The following SYT2 variants were observed in gnomAD, a reference collection of about 807,000 sequenced individuals.
SYT2 encodes the protein synaptotagmin 2.
Under a neutral mutation model 39.9 loss-of-function variants are expected in SYT2, and 15 were observed. The ratio of observed to expected loss-of-function variants is 0.38; its 90% CI spans 0.25 to 0.58. The LOEUF (loss-of-function observed/expected upper bound fraction) is 0.58, where lower values mean the gene tolerates loss of function less well. Ranked by LOEUF, SYT2 falls within the 20% of genes least tolerant of loss-of-function variation. SYT2 has a pLI of 0.70. For missense variants in SYT2, 389 were observed against 530.3 expected (o/e 0.73, Z 2.62); for synonymous variants, 181 against 204.5 (o/e 0.89, Z 0.98).
At chr1:202,639,629 T>C in intron 1 of SYT2, 1 of 985,500 alleles carries the variant, frequency 1.0e-6, no homozygotes, top group Non-Finnish European at 1.2e-6. Flanking sequence ...AATGGAGGGA[T>C]GCCATGCTGC....
chr1:202,692,778 G>A (rs1165917841), intron 1 of SYT2, among the ~76,000 whole-genome samples: 1 of 152,136 alleles, frequency 6.6e-6, no homozygotes, highest in Non-Finnish European at 1.5e-5. Context: ...GGAAAGTTAG[G>A]GCTGGGGGCA....
At chr1:202,673,220 G>T (rs2149109905) in intron 1 of SYT2, among the ~76,000 whole-genome samples, 1 of 152,248 alleles carries the variant, frequency 6.6e-6, no homozygotes, top group East Asian at 1.9e-4. Flanking sequence ...CATCTGAAAA[G>T]GGGAAAATGT....
chr1:202,650,435 CTTTTGTTTTT>C (rs1412306761), intron 1 of SYT2, among the ~76,000 whole-genome samples: 11 of 143,264 alleles, frequency 7.7e-5, no homozygotes, highest in African/African-American at 2.8e-4. Context: ...GTTTCATATG[CTTTTGTTTTT>C]TTTTTTTTGA....
chr1:202,684,330 G>A (rs954875027), intron 1 of SYT2, among the ~76,000 whole-genome samples: 2 of 146,644 alleles, frequency 1.4e-5, no homozygotes, highest in African/African-American at 2.5e-5. Context: ...TCTACTCTCC[G>A]TTTCTATTTA....
At chr1:202,667,692 CTTTTATTTTTA>C (rs1216323692) in intron 1 of SYT2, among the ~76,000 whole-genome samples, 2 of 152,008 alleles carry the variant, frequency 1.3e-5, no homozygotes, top group East Asian at 3.9e-4. Context: ...CAGATATTTT[CTTTTATTTTTA>C]TTTTATTTTA....
In SYT2 at chr1:202,592,712, T is replaced by TC. The variant is rs1363097611; in HGVS notation, c.*4044dup. On this transcript the variant is annotated 3_prime_UTR_variant, in exon 9 of 9. Transcript: ENST00000367268. ...ATTCATGTGTCTTCAAGTCACAGTG[T>TC]CCCCTTCTCAATATTGCAGTTCAAA... 1 of 152,178 alleles carries TC rather than the reference T, an allele frequency of 6.6e-6. No homozygotes were observed. The highest frequency in any genetic ancestry group is 6.5e-5 in the Admixed American group (1 of 15,274). The allele number at this position is 152,178 out of a possible 1,614,324, so 9.4% of individuals were successfully genotyped here.
intron 1 of SYT2, among the ~76,000 whole-genome samples, chr1:202,629,878 G>GGGC (rs1553338299): frequency 0.019 from 2,252 of 119,338 alleles, 272 homozygotes; most frequent in African/African-American, 0.06. Context: ...GGGGGGGGGG[G>GGGC]GGTGGTACGG....
In SYT2 at chr1:202,628,159, G is replaced by A. The variant is rs771245845; in HGVS notation, c.-17-22370C>T. ...GCCAGCGGCATATTTCATTTCATCC[G>A]GGCCTTGTGAGGTGGGGACTGTGAT... On this transcript the variant is annotated intron_variant, in intron 1 of 8. Coordinates refer to ENST00000367268, the MANE Select transcript of SYT2 (RefSeq NM_177402.5). The surrounding 1 kb of genome is among the most constrained non-coding windows in gnomAD (Gnocchi z 4.2). Among the ~76,000 whole-genome samples, 26 of 152,178 alleles carry A rather than the reference G, an allele frequency of 1.7e-4. No individual in the cohort carries two copies. The highest frequency in any genetic ancestry group is 2.9e-4 in the Non-Finnish European group (20 of 68,034).
chr1:202,694,202 T>C (rs1034882468), intron 1 of SYT2, among the ~76,000 whole-genome samples: 1 of 152,254 alleles, frequency 6.6e-6, no homozygotes, highest in East Asian at 1.9e-4. Context: ...TTTTCTAGCA[T>C]AAATCCTTAG....
chr1:202,641,892 C>G (rs190293500), intron 1 of SYT2, among the ~76,000 whole-genome samples: 2 of 152,332 alleles, frequency 1.3e-5, no homozygotes, highest in Admixed American at 1.3e-4. Flanking sequence ...GCCTTTCTCC[C>G]CATCAGCTGG....
intron 1 of SYT2, among the ~76,000 whole-genome samples, chr1:202,695,223 T>C (rs1022298682): frequency 6.6e-6 from 1 of 152,036 alleles, no homozygotes; most frequent in African/African-American, 2.4e-5. Flanking sequence ...ACACCCCTGC[T>C]CACACACACA....
intron 1 of SYT2, among the ~76,000 whole-genome samples, chr1:202,644,099 C>T (rs1168454508): frequency 2.6e-5 from 4 of 152,128 alleles, no homozygotes; most frequent in Non-Finnish European, 5.9e-5. Context: ...GAGTTCGCCC[C>T]GAGGGCTCCG....
At chr1:202,634,377 C>T (rs549835396) in intron 1 of SYT2, among the ~76,000 whole-genome samples, 7 of 152,058 alleles carry the variant, frequency 4.6e-5, no homozygotes, top group Non-Finnish European at 7.4e-5. Flanking sequence ...ATTAGCTGGG[C>T]GTGGTGGCGC....
Position 202,594,871 on chromosome 1 carries a change from G to T in SYT2, c.*1886C>A, listed in dbSNP as rs1690232835. The T allele has an allele frequency of 6.6e-6, 1 of 152,056 alleles. No homozygotes were observed. The highest frequency in any genetic ancestry group is 6.5e-5 in the Admixed American group (1 of 15,274). 9.4% of individuals were successfully genotyped at this position (152,056 alleles called of 1,614,324 possible). A position where few individuals can be genotyped will look rare whatever the true frequency, so the allele number is the denominator to read the frequency against. ...TCCAAAAAACAAAGCAAAACCAAAA[G>T]CCCCTTCCCCCTTTTTAAAATAAAA... On this transcript the variant is annotated 3_prime_UTR_variant, in exon 9 of 9. Transcript: ENST00000367268.
intron 1 of SYT2, among the ~76,000 whole-genome samples, chr1:202,691,748 A>G (rs1572682493): frequency 2.0e-5 from 2 of 99,690 alleles, no homozygotes; most frequent in African/African-American, 8.0e-5. Context: ...AGAGAGAGAG[A>G]GAGAGAGAGA....
At position 202,623,389 on chromosome 1, in the gene SYT2, G is replaced by T. The variant is rs1238234610; in HGVS notation, c.-17-17600C>A. On this transcript the variant is annotated intron_variant, in intron 1 of 8. Transcript: ENST00000367268. This position sits in a 1 kb window ranked among gnomAD's most constrained non-coding sequence, Gnocchi z 4.2. ...CCCAGGGGGCTGCCTCTGGCCCCCA[G>T]ACAGGCTGCCTTCCCACCTCCTTCT... Among the ~76,000 whole-genome samples, 1 of 152,314 alleles carries T rather than the reference G, an allele frequency of 6.6e-6. No individual in the cohort carries two copies. Among genetic ancestry groups the T allele is most frequent in the Admixed American group, 6.5e-5 (1 of 15,302 alleles).
chr1:202,638,158 A>G (rs1691792955), intron 1 of SYT2, among the ~76,000 whole-genome samples: 1 of 152,244 alleles, frequency 6.6e-6, no homozygotes, highest in Non-Finnish European at 1.5e-5. Flanking sequence ...TAACACAGCA[A>G]TCACAAAAGC....
chr1:202,602,651 G>T, intron 4 of SYT2, 106 bp from the exon 5 acceptor site: 1 of 1,185,356 alleles, frequency 8.4e-7, no homozygotes, highest in Non-Finnish European at 1.2e-6. Flanking sequence ...GGAGGCAGTT[G>T]GGGCAGGGAA....
intron 1 of SYT2, among the ~76,000 whole-genome samples, chr1:202,620,168 C>T (rs1238315921): frequency 6.6e-6 from 1 of 152,230 alleles, no homozygotes; most frequent in Non-Finnish European, 1.5e-5. Context: ...CCTTCTCTCC[C>T]TGGTCCACTG....
Sources: allele counts gnomAD v4.1 joint callset (sites outside exome capture counted in the v4.1 genomes callset), GRCh38; gene constraint gnomAD v4.1.1; non-coding constraint Gnocchi (gnomAD v3.1); transcripts MANE v1.5; gene names NCBI Gene and HGNC (gene_info 2026-07-23, HGNC 2026-07-21).